Variants in DDX52 observed in about 807,000 individuals in gnomAD.
DDX52 encodes the protein probable ATP-dependent RNA helicase DDX52.
A neutral mutation model predicts 76.1 loss-of-function variants in DDX52; 59 were observed. The observed-to-expected ratio is 0.78, with a 90% CI of 0.63 to 0.96. DDX52 has a LOEUF of 0.96. Among genes scored for constraint, DDX52 ranks in the 40% least tolerant of loss-of-function variants. DDX52 has a pLI of 0.00. For synonymous variants in DDX52, 231 were observed against 244.1 expected, an observed-to-expected ratio of 0.95 and a Z score of 0.50; for missense variants, 707 against 703.9, an observed-to-expected ratio of 1.00 and a Z score of -0.05.
At chr17:37,637,827 G>C (rs1673054445) in intron 2 of DDX52, among the ~76,000 whole-genome samples, 1 of 152,172 alleles carries the variant, frequency 6.6e-6, no homozygotes, top group African/African-American at 2.4e-5. Flanking sequence ...ACCCACCTCG[G>C]CATCCCAAAG....
chr17:37,625,149 G>GC (rs2030301289), intron 8 of DDX52, among the ~76,000 whole-genome samples: 2 of 151,962 alleles, frequency 1.3e-5, no homozygotes, highest in African/African-American at 4.8e-5. Flanking sequence ...GGGATTACAG[G>GC]CACACACCCA....
At chr17:37,627,405 A>T (rs1316077477) in intron 6 of DDX52, among the ~76,000 whole-genome samples, 3 of 149,670 alleles carry the variant, frequency 2.0e-5, no homozygotes, top group African/African-American at 4.9e-5. Flanking sequence ...GAGATGGTAA[A>T]TTTTTTTTTT....
intron 9 of DDX52, among the ~76,000 whole-genome samples, chr17:37,623,324 C>T (rs1357125438): frequency 6.6e-6 from 1 of 152,132 alleles, no homozygotes; most frequent in African/African-American, 2.4e-5. Context: ...ACTCGGGAGA[C>T]TGAGGTAGGA....
At chr17:37,628,855 A>G (rs1230433808) in intron 5 of DDX52, among the ~76,000 whole-genome samples, 183 bp from the exon 6 acceptor site, 1 of 152,196 alleles carries the variant, frequency 6.6e-6, no homozygotes, top group African/African-American at 2.4e-5. Flanking sequence ...ATAAGATTCA[A>G]TAATTTCTTC....
At chr17:37,622,797 C>T (rs1177512280) in intron 9 of DDX52, among the ~76,000 whole-genome samples, 1 of 152,150 alleles carries the variant, frequency 6.6e-6, no homozygotes, top group Non-Finnish European at 1.5e-5. Context: ...CCTTAAATTT[C>T]CTAGTACCAA....
In DDX52 at chr17:37,621,035, G is replaced by A. The variant is rs954379503; in HGVS notation, c.1502-87C>T. ...TTATAAAAGTCACTGGATTTTCACA[G>A]CACTAAGAAGTGAGCATATGTGCAG... On this transcript the variant is annotated intron_variant, in intron 11 of 14. Transcript: ENST00000617633. 2.1e-5 allele frequency: 33 copies of A among 1,555,266 alleles called. No homozygotes were observed. The South Asian group carries it at 2.9e-4, about 13-fold the overall frequency.
At chr17:37,627,992 T>C (rs2030477062) in intron 6 of DDX52, among the ~76,000 whole-genome samples, 1 of 152,018 alleles carries the variant, frequency 6.6e-6, no homozygotes, top group Non-Finnish European at 1.5e-5. Context: ...TTGCCAAGGC[T>C]GGTCCCAAAC....
chr17:37,630,215 T>C (rs762835130), intron 4 of DDX52, 42 bp from the exon 5 acceptor site: 40 of 1,506,874 alleles, frequency 2.7e-5, no homozygotes, highest in Non-Finnish European at 3.4e-5. Flanking sequence ...AGAAAGTACA[T>C]AAATTTTTCA....
chr17:37,641,694 G>A (rs2031209621), intron 2 of DDX52, among the ~76,000 whole-genome samples: 2 of 151,910 alleles, frequency 1.3e-5, no homozygotes, highest in East Asian at 1.9e-4. Flanking sequence ...CCGAGATCGC[G>A]CCACTGCACT....
chr17:37,624,289 G>T (rs2030250249), intron 9 of DDX52, 55 bp downstream of exon 9: 1 of 1,380,664 alleles, frequency 7.2e-7, no homozygotes, highest in Non-Finnish European at 1.0e-6. Context: ...CCTCCCACTA[G>T]TAATATAAGA....
intron 14 of DDX52, among the ~76,000 whole-genome samples, chr17:37,615,791 G>A (rs530106532): frequency 1.2e-4 from 18 of 152,146 alleles, no homozygotes; most frequent in Admixed American, 9.2e-4. Flanking sequence ...CGAGGCGGGC[G>A]GATCACAAGG....
At chr17:37,621,673 C>T (rs1212045980) in intron 9 of DDX52, among the ~76,000 whole-genome samples, 153 bp from the exon 10 acceptor site, 1 of 152,188 alleles carries the variant, frequency 6.6e-6, no homozygotes, top group Non-Finnish European at 1.5e-5. Context: ...CTGCCTCCAT[C>T]TTCGTCACCA....
intron 9 of DDX52, 36 bp downstream of exon 9, chr17:37,624,308 A>C: frequency 3.2e-6 from 5 of 1,568,466 alleles, no homozygotes; most frequent in Non-Finnish European, 4.4e-6. Context: ...GACTTGGCAA[A>C]CTTTACCAAA....
chr17:37,631,038 T>G (rs963594461), intron 4 of DDX52: 18 of 152,328 alleles, frequency 1.2e-4, no homozygotes, highest in African/African-American at 4.1e-4. Context: ...ACAGCATCAT[T>G]TAAATGTATG....
chr17:37,625,755 G>T (rs1420002470), intron 8 of DDX52, 140 bp downstream of exon 8: 4 of 899,192 alleles, frequency 4.4e-6, no homozygotes, highest in Non-Finnish European at 5.0e-6. Flanking sequence ...AACAATCTTG[G>T]CTTAAAAGAA....
intron 3 of DDX52, among the ~76,000 whole-genome samples, chr17:37,632,541 C>A (rs2030732778): frequency 6.6e-6 from 1 of 152,138 alleles, no homozygotes; most frequent in Non-Finnish European, 1.5e-5. Context: ...TAACTTCTAA[C>A]CTTAAATAAA....
chr17:37,630,136 C>T lies in DDX52; in HGVS notation c.641G>A (p.Gly214Glu). Residue 214 changes from glycine (G) to glutamate (E), a missense_variant, in exon 5 of 15, where the codon GGA becomes GAA. Transcript: ENST00000617633. ...ELLASAPTGS[G>E]KTLAFSIPIL... ...AGGAATGCTAAAAGCTAATGTTTTT[C>T]CAGATCCAGTTGGAGCAGAAGCCAG... is the stretch of plus-strand genomic sequence containing the variant. 1.9e-6 allele frequency: 3 copies of T among 1,613,686 alleles called. No homozygotes were observed. Among genetic ancestry groups the T allele is most frequent in the Non-Finnish European group, 2.5e-6 (3 of 1,179,908 alleles).
At chr17:37,632,792 C>A (rs759601450) in intron 3 of DDX52, among the ~76,000 whole-genome samples, 13 of 152,284 alleles carry the variant, frequency 8.5e-5, no homozygotes, top group Middle Eastern at 3.4e-3. Flanking sequence ...GCTGAATACA[C>A]CTCTCCATCA....
intron 2 of DDX52, among the ~76,000 whole-genome samples, chr17:37,640,932 G>A (rs913129606): frequency 6.6e-5 from 10 of 151,832 alleles, no homozygotes; most frequent in South Asian, 2.1e-4. Flanking sequence ...TGCAGTGAGC[G>A]GAAAACATGC....
Sources: allele counts gnomAD v4.1 joint callset (sites outside exome capture counted in the v4.1 genomes callset), GRCh38; gene constraint gnomAD v4.1.1; transcripts MANE v1.5; gene names NCBI Gene and HGNC (gene_info 2026-07-23, HGNC 2026-07-21).